The following RBFOX1 variants were observed in gnomAD, a reference collection of about 807,000 sequenced individuals.
The protein encoded by RBFOX1 is RNA binding protein fox-1 homolog 1.
Under a neutral mutation model 57.7 loss-of-function variants are expected in RBFOX1, and 8 were observed. The observed-to-expected ratio is 0.14, with a 90% confidence interval of 0.08 to 0.25. The LOEUF (loss-of-function observed/expected upper bound fraction) is 0.25. Among genes scored for constraint, RBFOX1 ranks in the 10% least tolerant of loss-of-function variants. RBFOX1 has a pLI of 1.00. For missense variants in RBFOX1, 611 were observed against 548.5 expected, an observed-to-expected ratio of 1.11 and a Z score of -1.14; for synonymous variants, 326 against 222.4, an observed-to-expected ratio of 1.47 and a Z score of -4.15.
At chr16:6,272,188 A>T (rs1056272915) in intron 1 of RBFOX1, among the ~76,000 whole-genome samples, 3 of 152,204 alleles carry the variant, frequency 2.0e-5, no homozygotes, top group African/African-American at 7.2e-5. Flanking sequence ...GGCTGAAGAG[A>T]AAAATCATTC....
chr16:6,795,522 C>T (rs1425255288), intron 3 of RBFOX1, among the ~76,000 whole-genome samples: 1 of 152,168 alleles, frequency 6.6e-6, no homozygotes. Context: ...AATCCCAGCA[C>T]TTTGGGAGGC....
intron 4 of RBFOX1, among the ~76,000 whole-genome samples, chr16:7,160,484 A>G (rs2152378208): frequency 6.6e-6 from 1 of 152,250 alleles, no homozygotes; most frequent in East Asian, 1.9e-4. Flanking sequence ...AGCATGAACT[A>G]CATTTTATAC....
rs115955457 is a variant in RBFOX1, at chr16:6,122,620, T to A, written c.-127+102628T>A. ...CCGTGTGACACCCGCTCCCCATTAA[T>A]GATTGACTGACAGTGGGTGGCCAAT... On this transcript the variant is annotated intron_variant, in intron 1 of 15. Coordinates refer to ENST00000550418, the MANE Select transcript of RBFOX1 (RefSeq NM_018723.4). Among the ~76,000 whole-genome samples, 1,066 of 152,276 alleles carry A rather than the reference T, an allele frequency of 7.0e-3. 14 individuals carry two copies. The highest frequency in any genetic ancestry group is 0.024 in the African/African-American group (997 of 41,558).
chr16:6,785,702 C>A (rs1485628640), intron 3 of RBFOX1, among the ~76,000 whole-genome samples: 1 of 152,214 alleles, frequency 6.6e-6, no homozygotes, highest in South Asian at 2.1e-4. Flanking sequence ...GTTACAGCCA[C>A]TGTCCAGTTT....
intron 4 of RBFOX1, among the ~76,000 whole-genome samples, chr16:7,205,635 A>G (rs1461578048): frequency 6.6e-6 from 1 of 152,262 alleles, no homozygotes; most frequent in Admixed American, 6.5e-5. Context: ...AAAATACGAT[A>G]CATTTTAGAA....
At chr16:6,137,520 G>A (rs2096675263) in intron 1 of RBFOX1, among the ~76,000 whole-genome samples, 1 of 151,696 alleles carries the variant, frequency 6.6e-6, no homozygotes, top group Admixed American at 6.6e-5. Flanking sequence ...TGGTCAGGCT[G>A]GTCTCGAGCT....
At chr16:6,119,794 C>G (rs2096534918) in intron 1 of RBFOX1, among the ~76,000 whole-genome samples, 1 of 152,176 alleles carries the variant, frequency 6.6e-6, no homozygotes. Flanking sequence ...GTCTCCATGT[C>G]TGGCCCCATT....
At chr16:6,881,277 A>G (rs2062879673) in intron 3 of RBFOX1, among the ~76,000 whole-genome samples, 1 of 152,304 alleles carries the variant, frequency 6.6e-6, no homozygotes, top group Admixed American at 6.5e-5. Context: ...GAGAGAGCAA[A>G]GGAAGGGGTA....
chr16:7,208,777 C>T (rs143898828), intron 4 of RBFOX1, among the ~76,000 whole-genome samples: 2 of 152,114 alleles, frequency 1.3e-5, no homozygotes, highest in Non-Finnish European at 2.9e-5. Flanking sequence ...TTTGAGGCTA[C>T]AGTGAGCTGT....
chr16:7,432,934 C>T (rs2098693683), intron 4 of RBFOX1, among the ~76,000 whole-genome samples: 2 of 152,214 alleles, frequency 1.3e-5, no homozygotes, highest in Admixed American at 1.3e-4. Context: ...TTCAATGTGT[C>T]AAGTGGCATT....
chr16:5,905,668 C>T (rs942398126), intron 4 of RBFOX1, among the ~76,000 whole-genome samples: 1 of 152,240 alleles, frequency 6.6e-6, no homozygotes, highest in South Asian at 2.1e-4. Context: ...CCACTCCAGC[C>T]AGAGGGAGAC....
At chr16:6,827,577 CGTCTCAGAGGGCCA>C (rs1316247766) in intron 3 of RBFOX1, among the ~76,000 whole-genome samples, 1 of 152,144 alleles carries the variant, frequency 6.6e-6, no homozygotes, top group African/African-American at 2.4e-5. Context: ...AACTGAAATC[CGTCTCAGAGGGCCA>C]GTCTCAGAGT....
intron 4 of RBFOX1, among the ~76,000 whole-genome samples, chr16:7,139,881 G>C (rs1001146003): frequency 2.6e-5 from 4 of 152,094 alleles, no homozygotes; most frequent in Non-Finnish European, 4.4e-5. Flanking sequence ...CCTTAGGATG[G>C]GGTGAGCTTG....
At chr16:7,156,772 A>G (rs1054668044) in intron 4 of RBFOX1, among the ~76,000 whole-genome samples, 5 of 152,200 alleles carry the variant, frequency 3.3e-5, no homozygotes, top group South Asian at 2.1e-4. Flanking sequence ...TCTACTTCAA[A>G]CACTGCATCT....
intron 1 of RBFOX1, among the ~76,000 whole-genome samples, chr16:6,242,223 A>G (rs2097543385): frequency 1.3e-5 from 2 of 151,968 alleles, no homozygotes; most frequent in South Asian, 4.1e-4. Flanking sequence ...TGATAAGTAC[A>G]TTCTCTCTAT....
At chr16:6,491,025 C>T (rs913131793) in intron 2 of RBFOX1, among the ~76,000 whole-genome samples, 2 of 151,782 alleles carry the variant, frequency 1.3e-5, no homozygotes, top group African/African-American at 4.8e-5. Context: ...GAGATGAACC[C>T]ACATAACCAA....
At chr16:6,908,639 A>G (rs148310209) in intron 3 of RBFOX1, among the ~76,000 whole-genome samples, 276 of 152,150 alleles carry the variant, frequency 1.8e-3, no homozygotes, top group Non-Finnish European at 2.4e-3. Flanking sequence ...ATCCTATCCT[A>G]TTTCTTCCAG....
At chr16:5,523,959 C>G (rs1270692783) in intron 2 of RBFOX1, among the ~76,000 whole-genome samples, 1 of 152,130 alleles carries the variant, frequency 6.6e-6, no homozygotes, top group Admixed American at 6.5e-5. Context: ...CCAGCGCTTG[C>G]CTCCTCCCGG....
intron 3 of RBFOX1, among the ~76,000 whole-genome samples, chr16:7,040,996 A>G (rs149207896): frequency 2.0e-5 from 3 of 151,676 alleles, no homozygotes; most frequent in African/African-American, 7.3e-5. Flanking sequence ...GCTCATTGCA[A>G]CGTCCACCTC....
Sources: allele counts gnomAD v4.1 joint callset (sites outside exome capture counted in the v4.1 genomes callset), GRCh38; gene constraint gnomAD v4.1.1; transcripts MANE v1.5; gene names NCBI Gene and HGNC (gene_info 2026-07-23, HGNC 2026-07-21).